Variants in ATG7 observed in about 807,000 individuals in gnomAD.
ATG7 encodes the protein ubiquitin-like modifier-activating enzyme ATG7.
ATG7 carries 70 observed loss-of-function variants against 82.4 expected under a neutral mutation model. That is an observed-to-expected ratio of 0.85 (90% CI 0.70 to 1.04). The LOEUF (loss-of-function observed/expected upper bound fraction) is 1.04. Ranked by LOEUF, ATG7 falls within the 50% of genes least tolerant of loss-of-function variation. The pLI is 0.00. For synonymous variants in ATG7, 287 were observed against 313.0 expected, an observed-to-expected ratio of 0.92 and a Z score of 0.88; for missense variants, 792 against 864.3, an observed-to-expected ratio of 0.92 and a Z score of 1.05.
intron 20 of ATG7, among the ~76,000 whole-genome samples, chr3:11,533,168 C>A (rs1404137797): frequency 6.6e-6 from 1 of 152,096 alleles, no homozygotes; most frequent in Non-Finnish European, 1.5e-5. Flanking sequence ...GCTTGGGAGG[C>A]CCCTTTGGCT....
At chr3:11,510,418 C>T (rs896994832) in intron 20 of ATG7, 3 of 386,732 alleles carry the variant, frequency 7.8e-6, no homozygotes, top group Non-Finnish European at 1.0e-5. Context: ...TGCTACTGAA[C>T]CAAAGGGCCT....
chr3:11,468,614 A>G (rs1000826697), intron 20 of ATG7, among the ~76,000 whole-genome samples: 1 of 152,110 alleles, frequency 6.6e-6, no homozygotes, highest in Non-Finnish European at 1.5e-5. Context: ...GAACTGTGTC[A>G]TGGAGAAAAC....
chr3:11,554,895 T>G lies in ATG7; in HGVS notation c.*52T>G. 1 of 1,597,918 alleles carries G rather than the reference T, an allele frequency of 6.3e-7. No homozygotes were observed. Among genetic ancestry groups the G allele is most frequent in the Non-Finnish European group, 8.5e-7 (1 of 1,172,808 alleles). On this transcript the variant is annotated 3_prime_UTR_variant, in exon 21 of 21. Coordinates refer to ENST00000693202, the MANE Select transcript of ATG7 (RefSeq NM_001349232.2). ...TCCCCGGCCGCCTGCTGAGGAGCTCTCCATCGCCAGAGCAGGACTGCTGAC... is the reference window on the plus strand; with the variant it reads ...TCCCCGGCCGCCTGCTGAGGAGCTCGCCATCGCCAGAGCAGGACTGCTGAC...
intron 20 of ATG7, among the ~76,000 whole-genome samples, chr3:11,540,350 A>G (rs890010738): frequency 6.6e-6 from 1 of 152,070 alleles, no homozygotes; most frequent in Non-Finnish European, 1.5e-5. Flanking sequence ...TTTATTTGCC[A>G]CCTGTAGATC....
intron 20 of ATG7, among the ~76,000 whole-genome samples, chr3:11,542,519 A>G (rs1007794501): frequency 2.0e-5 from 3 of 152,004 alleles, no homozygotes; most frequent in Non-Finnish European, 2.9e-5. Context: ...ACACCGGCAG[A>G]TGTACCTTGC....
chr3:11,515,913 G>C (rs1162498922), intron 20 of ATG7, among the ~76,000 whole-genome samples: 1 of 151,984 alleles, frequency 6.6e-6, no homozygotes, highest in African/African-American at 2.4e-5. Flanking sequence ...TGCTGGCCAC[G>C]GGAAGTCTCA....
chr3:11,433,921 G>A (rs930861124), intron 20 of ATG7, among the ~76,000 whole-genome samples: 7 of 152,150 alleles, frequency 4.6e-5, no homozygotes, highest in African/African-American at 1.7e-4. Flanking sequence ...AATGAACAGG[G>A]CTGAGCTGAT....
At chr3:11,291,317 A>G (rs1219389359) in intron 3 of ATG7, among the ~76,000 whole-genome samples, 1 of 152,100 alleles carries the variant, frequency 6.6e-6, no homozygotes, top group Non-Finnish European at 1.5e-5. Flanking sequence ...ACTGTTGGAG[A>G]GGAGGTTAGC....
At chr3:11,531,389 C>G (rs2092690776) in intron 20 of ATG7, among the ~76,000 whole-genome samples, 1 of 152,208 alleles carries the variant, frequency 6.6e-6, no homozygotes, top group Non-Finnish European at 1.5e-5. Flanking sequence ...TATGAATGCA[C>G]TGGGGTGCAA....
At chr3:11,572,432 T>C in the ATG7 span, among the ~76,000 whole-genome samples, 2 of 152,100 alleles carry the variant, frequency 1.3e-5, no homozygotes, top group Non-Finnish European at 2.9e-5. Context: ...CAAATGAAAA[T>C]GTGCTCTCAT....
intron 20 of ATG7, among the ~76,000 whole-genome samples, chr3:11,492,126 T>C (rs1311690118): frequency 6.6e-6 from 1 of 152,196 alleles, no homozygotes; most frequent in African/African-American, 2.4e-5. Flanking sequence ...TCCGTGGTCA[T>C]AGGACCCTCC....
the ATG7 span, chr3:11,569,063 A>G: frequency 4.3e-6 from 2 of 470,544 alleles, no homozygotes; most frequent in Non-Finnish European, 5.7e-6. Context: ...AAGAATGTCC[A>G]TAACATCTGG....
intron 20 of ATG7, among the ~76,000 whole-genome samples, chr3:11,470,891 A>G (rs571683423): frequency 6.8e-6 from 1 of 147,252 alleles, no homozygotes; most frequent in African/African-American, 2.7e-5. Flanking sequence ...ACTCTCGTTC[A>G]GTCTTTCTCC....
intron 18 of ATG7, among the ~76,000 whole-genome samples, chr3:11,371,514 C>G (rs1575780227): frequency 6.6e-6 from 1 of 150,892 alleles, no homozygotes; most frequent in African/African-American, 2.4e-5. Flanking sequence ...ACGAGTGGCT[C>G]TGGGAATAGG....
intron 20 of ATG7, among the ~76,000 whole-genome samples, chr3:11,552,785 G>A (rs1008599457): frequency 6.6e-6 from 1 of 152,212 alleles, no homozygotes; most frequent in Admixed American, 6.5e-5. Context: ...AATCTGTCCA[G>A]GAGCAAGGGG....
intron 1 of ATG7, among the ~76,000 whole-genome samples, chr3:11,280,476 C>T (rs1258778569): frequency 6.6e-6 from 1 of 152,214 alleles, no homozygotes; most frequent in African/African-American, 2.4e-5. Flanking sequence ...TCAGGTCTCT[C>T]TGGCTCATGA....
chr3:11,482,072 C>G (rs1293262292), intron 20 of ATG7, among the ~76,000 whole-genome samples: 2 of 152,184 alleles, frequency 1.3e-5, no homozygotes, highest in East Asian at 3.9e-4. Flanking sequence ...ATGAGCGGTC[C>G]TAAGAATCCT....
intron 19 of ATG7, among the ~76,000 whole-genome samples, chr3:11,384,527 G>T (rs1032147580): frequency 5.3e-5 from 8 of 152,194 alleles, no homozygotes; most frequent in Non-Finnish European, 8.8e-5. Context: ...AGAGTGATAG[G>T]GTAAGGGTTA....
At chr3:11,348,058 G>A in intron 14 of ATG7, 23 bp downstream of exon 14, 2 of 1,604,928 alleles carry the variant, frequency 1.2e-6, no homozygotes, top group Non-Finnish European at 8.5e-7. Context: ...TTTTGCAGAG[G>A]TTTTCTGTTA....
Sources: allele counts gnomAD v4.1 joint callset (sites outside exome capture counted in the v4.1 genomes callset), GRCh38; gene constraint gnomAD v4.1.1; transcripts MANE v1.5; gene names NCBI Gene and HGNC (gene_info 2026-07-23, HGNC 2026-07-21).